Variants in KCNIP4 observed in about 807,000 individuals in gnomAD.
KCNIP4 encodes Kv channel-interacting protein 4.
KCNIP4 carries 12 observed loss-of-function variants against 34.0 expected under a neutral mutation model. That is an observed-to-expected ratio of 0.35 (90% CI 0.23 to 0.57). The LOEUF (loss-of-function observed/expected upper bound fraction) is 0.57. KCNIP4 is among the 20% of genes least tolerant of loss of function. KCNIP4 has a pLI of 0.83. For synonymous variants in KCNIP4, 124 were observed against 102.2 expected, an observed-to-expected ratio of 1.21 and a Z score of -1.29; for missense variants, 238 against 311.7, an observed-to-expected ratio of 0.76 and a Z score of 1.78.
chr4:21,231,365 G>A (rs539799409), intron 1 of KCNIP4, among the ~76,000 whole-genome samples: 144 of 152,038 alleles, frequency 9.5e-4, no homozygotes, highest in Non-Finnish European at 1.6e-3. Flanking sequence ...TATGTTCCTC[G>A]CACAAAGTTG....
At chr4:21,267,330 C>T (rs564713985) in intron 1 of KCNIP4, among the ~76,000 whole-genome samples, 2 of 150,940 alleles carry the variant, frequency 1.3e-5, no homozygotes, top group Admixed American at 6.6e-5. Context: ...TGACTAACCT[C>T]GGGTCCTGCA....
At chr4:21,943,537 T>A (rs1015957459) in intron 1 of KCNIP4, among the ~76,000 whole-genome samples, 1 of 152,004 alleles carries the variant, frequency 6.6e-6, no homozygotes, top group Non-Finnish European at 1.5e-5. Context: ...GAGACTCTGA[T>A]TCAAAAGAAA....
chr4:21,305,968 G>A (rs567710796), intron 1 of KCNIP4, among the ~76,000 whole-genome samples: 3 of 152,302 alleles, frequency 2.0e-5, no homozygotes, highest in Non-Finnish European at 2.9e-5. Flanking sequence ...CTGCCAGAGG[G>A]CAGAGATCAT....
chr4:21,667,321 C>T (rs919245410), intron 1 of KCNIP4, among the ~76,000 whole-genome samples: 7 of 152,170 alleles, frequency 4.6e-5, no homozygotes, highest in African/African-American at 7.2e-5. Context: ...TTCTTGATTT[C>T]ACATGTCCGT....
chr4:21,417,808 A>G (rs1380145128), intron 1 of KCNIP4, among the ~76,000 whole-genome samples: 2 of 152,214 alleles, frequency 1.3e-5, no homozygotes, highest in Non-Finnish European at 2.9e-5. Context: ...CTTCTACAGT[A>G]GATCTTGGGA....
intron 1 of KCNIP4, among the ~76,000 whole-genome samples, chr4:21,769,639 A>C (rs1718645877): frequency 6.6e-6 from 1 of 152,132 alleles, no homozygotes; most frequent in African/African-American, 2.4e-5. Context: ...GTTGCCTGGC[A>C]TGAGACTGAA....
At chr4:21,391,272 A>C (rs1577288199) in intron 1 of KCNIP4, among the ~76,000 whole-genome samples, 1 of 152,184 alleles carries the variant, frequency 6.6e-6, no homozygotes, top group Non-Finnish European at 1.5e-5. Flanking sequence ...AATCCTTCAA[A>C]ATAGTATTGT....
At chr4:21,830,738 C>A (rs1243106134) in intron 1 of KCNIP4, among the ~76,000 whole-genome samples, 1 of 152,042 alleles carries the variant, frequency 6.6e-6, no homozygotes, top group Non-Finnish European at 1.5e-5. Context: ...CAGCAATGGA[C>A]AGACAGATCA....
At chr4:21,900,593 C>T (rs1049036804) in intron 1 of KCNIP4, among the ~76,000 whole-genome samples, 5 of 152,148 alleles carry the variant, frequency 3.3e-5, no homozygotes, top group African/African-American at 1.2e-4. Context: ...GGATTAACTG[C>T]ATTTTACTAA....
At chr4:21,823,136 TTCTC>T (rs1225451495) in intron 1 of KCNIP4, among the ~76,000 whole-genome samples, 1 of 152,116 alleles carries the variant, frequency 6.6e-6, no homozygotes, top group Non-Finnish European at 1.5e-5. Context: ...AATTTACTAT[TTCTC>T]TCTCTCACCT....
At chr4:20,761,338 T>A (rs1444192441) in intron 3 of KCNIP4, among the ~76,000 whole-genome samples, 3 of 152,216 alleles carry the variant, frequency 2.0e-5, no homozygotes, top group Non-Finnish European at 4.4e-5. Context: ...TGAAGGACCC[T>A]AATACATAAA....
chr4:21,859,096 A>G (rs114048748), intron 1 of KCNIP4, among the ~76,000 whole-genome samples: 2,725 of 152,296 alleles, frequency 0.018, 83 homozygotes, highest in African/African-American at 0.061. Flanking sequence ...GACATAGGAC[A>G]TAAGACCAAA....
At chr4:21,935,379 A>C (rs1729799885) in intron 1 of KCNIP4, among the ~76,000 whole-genome samples, 1 of 151,988 alleles carries the variant, frequency 6.6e-6, no homozygotes, top group African/African-American at 2.4e-5. Flanking sequence ...CCTACCCACT[A>C]CATAAAATCC....
At chr4:21,815,905 T>C (rs1399535708) in intron 1 of KCNIP4, among the ~76,000 whole-genome samples, 2 of 152,158 alleles carry the variant, frequency 1.3e-5, no homozygotes, top group Admixed American at 6.5e-5. Context: ...TAGGAACTAA[T>C]TGGGTTTTTC....
At chr4:21,411,518 T>A (rs1368868061) in intron 1 of KCNIP4, among the ~76,000 whole-genome samples, 2 of 152,164 alleles carry the variant, frequency 1.3e-5, no homozygotes, top group Non-Finnish European at 2.9e-5. Flanking sequence ...TTCCTGTTAA[T>A]AAGGAGTCAG....
chr4:20,930,613 C>T (rs527718037), intron 1 of KCNIP4, among the ~76,000 whole-genome samples: 1 of 152,070 alleles, frequency 6.6e-6, no homozygotes, highest in East Asian at 1.9e-4. Context: ...CAGCATATCT[C>T]CTAAGAGGCT....
At chr4:21,904,154 G>A (rs752059545) in intron 1 of KCNIP4, among the ~76,000 whole-genome samples, 2 of 152,070 alleles carry the variant, frequency 1.3e-5, no homozygotes, top group Non-Finnish European at 2.9e-5. Flanking sequence ...TAGGGACTTT[G>A]CATTAAAAAC....
chr4:21,757,166 A>AGAAGGAAGGAAG (rs1560691253), intron 1 of KCNIP4, among the ~76,000 whole-genome samples: 1 of 46,358 alleles, frequency 2.2e-5, no homozygotes, highest in African/African-American at 1.2e-4. Flanking sequence ...AAAGAAAGAA[A>AGAAGGAAGGAAG]GAAGGAAGGA....
intron 1 of KCNIP4, among the ~76,000 whole-genome samples, chr4:21,451,820 A>T (rs2109745271): frequency 6.6e-6 from 1 of 152,250 alleles, no homozygotes; most frequent in Non-Finnish European, 1.5e-5. Context: ...CTAACAACAT[A>T]CCAAATAGGC....
Sources: allele counts gnomAD v4.1 joint callset (sites outside exome capture counted in the v4.1 genomes callset), GRCh38; gene constraint gnomAD v4.1.1; transcripts MANE v1.5; gene names NCBI Gene and HGNC (gene_info 2026-07-23, HGNC 2026-07-21).